Variants in ZBTB16 observed in about 807,000 individuals in gnomAD.
The protein encoded by ZBTB16 is zinc finger and BTB domain containing 16.
ZBTB16 carries 8 observed loss-of-function variants against 56.8 expected under a neutral mutation model. That is an observed-to-expected ratio of 0.14 (90% CI 0.08 to 0.25). The LOEUF (loss-of-function observed/expected upper bound fraction) is 0.25. ZBTB16 is among the 10% of genes least tolerant of loss of function. The pLI is 1.00. For missense variants in ZBTB16, 625 were observed against 903.0 expected (o/e 0.69, Z 3.95); for synonymous variants, 363 against 368.5 (o/e 0.98, Z 0.17).
chr11:114,219,416 A>AGTGGGTGG (rs1944179079), intron 4 of ZBTB16, among the ~76,000 whole-genome samples: 1 of 152,156 alleles, frequency 6.6e-6, no homozygotes, highest in East Asian at 1.9e-4. Context: ...TAGGGGTCTG[A>AGTGGGTGG]GTGGGTGGCT....
intron 5 of ZBTB16, among the ~76,000 whole-genome samples, chr11:114,244,008 C>T (rs551882170): frequency 6.6e-6 from 1 of 152,322 alleles, no homozygotes; most frequent in African/African-American, 2.4e-5. Context: ...CCTATGCACA[C>T]ACAGAGAAAC....
intron 2 of ZBTB16, among the ~76,000 whole-genome samples, chr11:114,137,180 A>G (rs1310376128): frequency 3.3e-5 from 5 of 152,156 alleles, no homozygotes; most frequent in Admixed American, 3.3e-4. Flanking sequence ...TGACCTTTGG[A>G]GTACATTGTT....
chr11:114,184,531 G>A (rs753103672), intron 3 of ZBTB16, among the ~76,000 whole-genome samples: 2 of 152,202 alleles, frequency 1.3e-5, no homozygotes, highest in Admixed American at 6.5e-5. Context: ...CAGGGAGGCC[G>A]AAGGGTACGG....
chr11:114,179,106 C>T (rs780983432), intron 3 of ZBTB16, among the ~76,000 whole-genome samples: 2 of 152,216 alleles, frequency 1.3e-5, no homozygotes, highest in African/African-American at 4.8e-5. Context: ...ACCACAGCTA[C>T]CCTTGAACCA....
At position 114,245,295 on chromosome 11, in the gene ZBTB16, C is replaced by T. The variant is rs77094486; in HGVS notation, c.1625-1903C>T. On this transcript the variant is annotated intron_variant, in intron 5 of 6. Transcript: ENST00000335953. The stretch of plus-strand genomic sequence containing the variant: ...ATCTGCAGGTGAGGGACTCGCTGGC[C>T]GAGCCTCTGAGCCAGTGCAACACCC... 8.9e-3 allele frequency among the ~76,000 whole-genome samples: 1,353 copies of T among 152,300 alleles called. 10 individuals are homozygous for T. Among genetic ancestry groups the T allele is most frequent in the African/African-American group, 0.029 (1,195 of 41,552 alleles).
At chr11:114,070,311 T>C (rs1939297929) in intron 2 of ZBTB16, among the ~76,000 whole-genome samples, 1 of 151,614 alleles carries the variant, frequency 6.6e-6, no homozygotes, top group East Asian at 1.9e-4. Context: ...GGTTTCACCT[T>C]GTTAGCCAGG....
rs1296520964 is a variant in ZBTB16, at chr11:114,064,023, G to A, written c.723G>A (p.Val241=). The A allele has an allele frequency of 1.2e-6, 2 of 1,613,288 alleles. No individual in the cohort carries two copies. Among genetic ancestry groups the A allele is most frequent in the African/African-American group, 1.3e-5 (1 of 75,026 alleles). Residue 241 remains valine (V), a synonymous_variant, in exon 2 of 7, where the codon GTG becomes GTA. Transcript: ENST00000335953. The surrounding 1 kb of genome is among the most constrained non-coding windows in gnomAD (Gnocchi z 4.2). ...GGCGGCACCCTGGGGTGGCTGAGGT[G>A]AAGACGGAGATGATGCAGGTGGATG... The part of the protein sequence containing the change: ...GGGRHPGVAE[V]KTEMMQVDEV...
chr11:114,119,305 C>T (rs1164998645), intron 2 of ZBTB16, among the ~76,000 whole-genome samples: 9 of 112,038 alleles, frequency 8.0e-5, no homozygotes, highest in African/African-American at 3.0e-4. Context: ...ATTTAGGGGG[C>T]GTTGTTAGGG....
intron 2 of ZBTB16, among the ~76,000 whole-genome samples, chr11:114,087,406 A>G (rs1220583730): frequency 7.4e-6 from 1 of 135,878 alleles, no homozygotes; most frequent in Non-Finnish European, 1.7e-5. Flanking sequence ...TCCTGCAAGG[A>G]TCTAGAATGT....
At chr11:114,094,894 C>T (rs1272640957) in intron 2 of ZBTB16, among the ~76,000 whole-genome samples, 2 of 152,256 alleles carry the variant, frequency 1.3e-5, no homozygotes, top group Non-Finnish European at 2.9e-5. Context: ...GGATCAGTTT[C>T]ACTGATCCTT....
chr11:114,146,313 C>T (rs1942102318), intron 2 of ZBTB16, among the ~76,000 whole-genome samples: 1 of 152,044 alleles, frequency 6.6e-6, no homozygotes, highest in Admixed American at 6.6e-5. Context: ...TGCTGGTTTT[C>T]CTGCCCCTTT....
At chr11:114,141,524 ATGT>A (rs1941944782) in intron 2 of ZBTB16, among the ~76,000 whole-genome samples, 1 of 152,194 alleles carries the variant, frequency 6.6e-6, no homozygotes, top group Non-Finnish European at 1.5e-5. Flanking sequence ...TAAAGACATT[ATGT>A]TCTCAGTGTT....
At chr11:114,209,970 T>C (rs1317395971) in intron 4 of ZBTB16, 30 of 984,192 alleles carry the variant, frequency 3.0e-5, no homozygotes, top group Non-Finnish European at 3.5e-5. Flanking sequence ...CTGCTACTTA[T>C]TAGGAGCAAG....
intron 3 of ZBTB16, among the ~76,000 whole-genome samples, chr11:114,166,230 G>A (rs1427912680): frequency 1.3e-5 from 2 of 151,756 alleles, no homozygotes; most frequent in Admixed American, 6.6e-5. Flanking sequence ...GTGTGTGTGT[G>A]TGTGTGTGTG....
chr11:114,164,033 T>C (rs958568853), intron 3 of ZBTB16, among the ~76,000 whole-genome samples: 5 of 152,208 alleles, frequency 3.3e-5, no homozygotes, highest in African/African-American at 1.2e-4. Context: ...CGCTGTATCT[T>C]ATTTTTGTAT....
intron 4 of ZBTB16, chr11:114,209,639 A>G (rs1162017381): frequency 2.0e-6 from 2 of 985,278 alleles, no homozygotes; most frequent in East Asian, 1.1e-4. Flanking sequence ...GGTGGTGACT[A>G]TTCCCCCAAC....
chr11:114,071,690 C>T (rs945220395), intron 2 of ZBTB16, among the ~76,000 whole-genome samples: 2 of 152,054 alleles, frequency 1.3e-5, no homozygotes, highest in Non-Finnish European at 1.5e-5. Flanking sequence ...TACAGGTGTG[C>T]CTCAGTTTGT....
At position 114,126,520 on chromosome 11, in the gene ZBTB16, T is replaced by C. The variant is rs142192414; in HGVS notation, c.1269-29817T>C. 3.1e-3 allele frequency among the ~76,000 whole-genome samples: 467 copies of C among 152,182 alleles called. 6 individuals carry two copies. The East Asian group carries it at 0.033, about 11-fold the overall frequency. On this transcript the variant is annotated intron_variant, in intron 2 of 6. Coordinates refer to ENST00000335953, the MANE Select transcript of ZBTB16 (RefSeq NM_006006.6). Reference sequence around the variant, plus strand: ...TGGATGTAGTCTAAAACAGAGAAGGTAGTGAGGCCCTTCACATCCATTTTA... The same window carrying C: ...TGGATGTAGTCTAAAACAGAGAAGGCAGTGAGGCCCTTCACATCCATTTTA...
At chr11:114,102,538 A>G (rs1940648845) in intron 2 of ZBTB16, among the ~76,000 whole-genome samples, 2 of 151,802 alleles carry the variant, frequency 1.3e-5, no homozygotes, top group Admixed American at 6.6e-5. Flanking sequence ...TCTTCCAGGT[A>G]AGTCCCCCCC....
Sources: gnomAD v4.1 joint callset for allele counts (sites outside exome capture counted in the v4.1 genomes callset) on GRCh38, gnomAD v4.1.1 for gene constraint, Gnocchi (gnomAD v3.1) non-coding constraint, MANE v1.5 for transcripts, NCBI Gene and HGNC (gene_info 2026-07-23, HGNC 2026-07-21) for gene names.